Variants in CCDC175 observed in about 807,000 individuals in gnomAD.
CCDC175 encodes coiled-coil domain-containing protein 175.
In CCDC175, 100 loss-of-function variants were observed where a neutral mutation model predicts 114.6. The observed-to-expected ratio is 0.87, with a 90% CI of 0.74 to 1.03. The LOEUF is 1.03. Ranked by LOEUF, CCDC175 falls within the 50% of genes least tolerant of loss-of-function variation. The pLI, the probability that CCDC175 is intolerant of heterozygous loss-of-function variation, is 0.00. For missense variants in CCDC175, 880 were observed against 917.8 expected, an observed-to-expected ratio of 0.96 and a Z score of 0.53; for synonymous variants, 306 against 308.7, an observed-to-expected ratio of 0.99 and a Z score of 0.09.
intron 7 of CCDC175, among the ~76,000 whole-genome samples, chr14:59,556,150 CA>C (rs1172878749): frequency 6.6e-6 from 1 of 152,138 alleles, no homozygotes; most frequent in East Asian, 1.9e-4. Flanking sequence ...CCCGCATCAC[CA>C]AGTCAATCCT....
chr14:59,524,465 T>G (rs191120741), intron 16 of CCDC175, among the ~76,000 whole-genome samples: 1 of 152,014 alleles, frequency 6.6e-6, no homozygotes, highest in South Asian at 2.1e-4. Flanking sequence ...AAAAAGGATA[T>G]CCAAGAGGCC....
intron 7 of CCDC175, among the ~76,000 whole-genome samples, chr14:59,558,062 GAA>G (rs1896020082): frequency 6.6e-6 from 1 of 152,178 alleles, no homozygotes; most frequent in African/African-American, 2.4e-5. Context: ...AATGACCTCT[GAA>G]AGACTTGAAT....
chr14:59,531,675 C>T lies in CCDC175; in HGVS notation c.1762+97G>A. 5 of 856,220 alleles carry T rather than the reference C, an allele frequency of 5.8e-6. No individual in the cohort carries two copies. The South Asian group carries it at 8.9e-5, about 15-fold the overall frequency. 53.0% of individuals were successfully genotyped at this position (856,220 alleles called of 1,614,324 possible). On this transcript the variant is annotated intron_variant, in intron 14 of 19. Coordinates refer to ENST00000537690, the MANE Select transcript of CCDC175 (RefSeq NM_001164399.2). ...GTAATGGGGAAAGTTTGGTGAGTTT[C>T]ACCATTGGCTTGTAACTGATGACCT...
At chr14:59,538,949 T>G (rs1894584779) in intron 11 of CCDC175, 109 bp from the exon 12 acceptor site, 1 of 1,015,616 alleles carries the variant, frequency 9.8e-7, no homozygotes, top group African/African-American at 1.6e-5. Flanking sequence ...CAAAATTGTT[T>G]GTGCTATTAG....
At chr14:59,515,065 T>C (rs1301406433) in intron 17 of CCDC175, among the ~76,000 whole-genome samples, 1 of 152,132 alleles carries the variant, frequency 6.6e-6, no homozygotes. Context: ...CCAGCCAAAC[T>C]AAGCTTCATA....
intron 11 of CCDC175, 133 bp from the exon 12 acceptor site, chr14:59,538,973 A>T (rs1190186434): frequency 1.6e-5 from 11 of 702,842 alleles, no homozygotes; most frequent in Non-Finnish European, 2.2e-5. Context: ...TGCAGACTAC[A>T]CACATTGCAT....
Position 59,563,833 on chromosome 14 carries a change from T to G in CCDC175, c.747A>C (p.Glu249Asp). 6.9e-7 allele frequency: 1 copy of G among 1,441,594 alleles called. No individual in the cohort carries two copies. Among genetic ancestry groups the G allele is most frequent in the Non-Finnish European group, 9.1e-7 (1 of 1,102,756 alleles). 89.3% of individuals were successfully genotyped at this position (1,441,594 alleles called of 1,614,324 possible). The change falls in exon 6 of 20, where the codon GAA becomes GAC. Residue 249 changes from glutamate (E) to aspartate (D), a missense_variant. By Grantham distance (45) the Glu-to-Asp change is conservative (BLOSUM62 2). Coordinates refer to ENST00000537690, the MANE Select transcript of CCDC175 (RefSeq NM_001164399.2). ...AQINEFENTR[E>D]VKRMETYQKK... ...TTTGATAAGTCTCCATTCTCTTTAC[T>G]TCACGGGTATTTTCAAATTCATTAA...
At position 59,551,375 on chromosome 14, in the gene CCDC175, A is replaced by G; in HGVS notation, c.1015T>C (p.Phe339Leu). 1 of 1,425,552 alleles carries G rather than the reference A, an allele frequency of 7.0e-7. No homozygotes were observed. Among genetic ancestry groups the G allele is most frequent in the South Asian group, 1.3e-5 (1 of 74,506 alleles). 88.3% of individuals were successfully genotyped at this position (1,425,552 alleles called of 1,614,324 possible). The change falls in exon 8 of 20, where the codon TTC becomes CTC. Residue 339 changes from phenylalanine (F) to leucine (L), a missense_variant. By Grantham distance (22) the Phe-to-Leu change is conservative (BLOSUM62 0). Transcript: ENST00000537690. ...DDISNDEKNE[F>L]LNKIKQLVET... ...CTTACCTGTTTTATCTTGTTCAGGAATTCATTTTTTTCATCATTAGATATA... is the reference window on the plus strand; with the variant it reads ...CTTACCTGTTTTATCTTGTTCAGGAGTTCATTTTTTTCATCATTAGATATA...
intron 19 of CCDC175, among the ~76,000 whole-genome samples, chr14:59,509,270 C>A (rs1892618852): frequency 6.6e-6 from 1 of 152,062 alleles, no homozygotes; most frequent in African/African-American, 2.4e-5. Flanking sequence ...AATGGTCTGG[C>A]CTAGCAAAGG....
intron 7 of CCDC175, among the ~76,000 whole-genome samples, chr14:59,551,845 C>T (rs1308220480): frequency 6.6e-6 from 1 of 152,222 alleles, no homozygotes; most frequent in Admixed American, 6.5e-5. Flanking sequence ...TCAGAGGATC[C>T]CACGCCCATG....
intron 13 of CCDC175, among the ~76,000 whole-genome samples, chr14:59,532,318 G>T (rs1162481575): frequency 6.6e-6 from 1 of 152,192 alleles, no homozygotes; most frequent in African/African-American, 2.4e-5. Flanking sequence ...AAAGATAGAA[G>T]TAATTGGATA....
At position 59,563,832 on chromosome 14, in the gene CCDC175, C is replaced by A; in HGVS notation, c.748G>T (p.Val250Leu). 6.9e-7 allele frequency: 1 copy of A among 1,439,632 alleles called. No individual in the cohort carries two copies. Among genetic ancestry groups the A allele is most frequent in the Non-Finnish European group, 9.1e-7 (1 of 1,101,474 alleles). 89.2% of individuals were successfully genotyped at this position (1,439,632 alleles called of 1,614,324 possible). Residue 250 changes from valine (V) to leucine (L), a missense_variant, in exon 6 of 20, where the codon GTA becomes TTA. Transcript: ENST00000537690. ...TTTTGATAAGTCTCCATTCTCTTTA[C>A]TTCACGGGTATTTTCAAATTCATTA... ...QINEFENTREVKRMETYQKKK... is the reference protein window; with the variant it reads ...QINEFENTRELKRMETYQKKK...
intron 19 of CCDC175, among the ~76,000 whole-genome samples, chr14:59,509,992 G>C (rs1892654543): frequency 6.6e-6 from 1 of 152,064 alleles, no homozygotes. Flanking sequence ...CTTCTCCCAA[G>C]CTCCCTCTAC....
chr14:59,567,556 G>A (rs1213046016), intron 4 of CCDC175, among the ~76,000 whole-genome samples: 1 of 152,142 alleles, frequency 6.6e-6, no homozygotes, highest in Non-Finnish European at 1.5e-5. Flanking sequence ...TCTCATAGGG[G>A]TAATTCTTCA....
intron 17 of CCDC175, among the ~76,000 whole-genome samples, chr14:59,516,942 C>A (rs1419748905): frequency 2.6e-5 from 4 of 152,210 alleles, no homozygotes; most frequent in African/African-American, 9.6e-5. Flanking sequence ...CAATCCGAAT[C>A]CAGCAGCACA....
At chr14:59,519,853 C>T (rs1025393144) in intron 17 of CCDC175, among the ~76,000 whole-genome samples, 3 of 152,216 alleles carry the variant, frequency 2.0e-5, no homozygotes, top group African/African-American at 2.4e-5. Context: ...ACTTCGTTCT[C>T]TTGGGATGCT....
chr14:59,574,950 T>G lies in CCDC175; in HGVS notation c.236A>C (p.Lys79Thr), dbSNP rs557055848. The G allele has an allele frequency of 6.8e-7, 1 of 1,475,172 alleles. No homozygotes were observed. The highest frequency in any genetic ancestry group is 9.1e-7 in the Non-Finnish European group (1 of 1,098,034). 91.4% of individuals were successfully genotyped at this position (1,475,172 alleles called of 1,614,324 possible). ...IFLKDIAVAV[K>T]KLEEMRKATI... Reference sequence around the variant, plus strand: ...TTATAGATAATACAATACCAATTTCTTAACAGCTACAGCAATGTCCTTAAG... The same window carrying G: ...TTATAGATAATACAATACCAATTTCGTAACAGCTACAGCAATGTCCTTAAG... Residue 79 changes from lysine (K) to threonine (T), a missense_variant, in exon 2 of 20, where the codon AAG becomes ACG. Physicochemically the swap from Lys to Thr is moderately conservative, Grantham distance 78. Transcript: ENST00000537690.
At chr14:59,560,356 C>G (rs1950772) in intron 7 of CCDC175, among the ~76,000 whole-genome samples, 149,790 of 152,250 alleles carry the variant, frequency 0.98, 73,732 homozygotes, top group East Asian at 1. Flanking sequence ...TGAACCACTG[C>G]AGTAGTCCCC....
chr14:59,569,669 T>C (rs958654225), intron 3 of CCDC175, among the ~76,000 whole-genome samples: 6 of 152,200 alleles, frequency 3.9e-5, no homozygotes. Flanking sequence ...TTTCCCTGCA[T>C]GTATAGTTTG....
Sources: allele counts gnomAD v4.1 joint callset (sites outside exome capture counted in the v4.1 genomes callset), GRCh38; gene constraint gnomAD v4.1.1; transcripts MANE v1.5; gene names NCBI Gene and HGNC (gene_info 2026-07-23, HGNC 2026-07-21).